Variants in SUMF2 observed in about 807,000 individuals in gnomAD.
The protein encoded by SUMF2 is inactive C-alpha-formylglycine-generating enzyme 2.
In SUMF2, 45 loss-of-function variants were observed where a neutral mutation model predicts 44.8. The observed-to-expected ratio is 1.00, with a 90% confidence interval of 0.79 to 1.29. The LOEUF (loss-of-function observed/expected upper bound fraction) is 1.29. Ranked by LOEUF, SUMF2 falls within the 50% of genes most tolerant of loss-of-function variation. The probability of loss-of-function intolerance (pLI) is 0.00; values close to 1 mark genes in which losing one functional copy is unlikely to be tolerated. For missense variants in SUMF2, 418 were observed against 389.9 expected (o/e 1.07, Z -0.61); for synonymous variants, 148 against 150.4 (o/e 0.98, Z 0.12).
At chr7:56,081,323 G>A (rs1427573865), downstream of SUMF2, 1 of 1,589,592 alleles carries the variant, frequency 6.3e-7, no homozygotes, top group East Asian at 2.3e-5. The surrounding 1 kb of genome is among the most constrained non-coding windows in gnomAD (Gnocchi z 4.6). Context: ...CGGAGAAGCT[G>A]GGCTGCAGCC....
At chr7:56,069,206 G>GGCATA (rs1235557630) in intron 2 of SUMF2, among the ~76,000 whole-genome samples, 2 of 152,022 alleles carry the variant, frequency 1.3e-5, no homozygotes, top group Non-Finnish European at 2.9e-5. Context: ...CATTACACTG[G>GGCATA]GCATAGCACT....
At chr7:56,071,453 C>A (rs1237336670) in intron 2 of SUMF2, among the ~76,000 whole-genome samples, 1 of 152,012 alleles carries the variant, frequency 6.6e-6, no homozygotes, top group Non-Finnish European at 1.5e-5. Flanking sequence ...TGTGCCACTG[C>A]ACTCCAGCCT....
chr7:56,074,277 C>G (rs372873464), intron 4 of SUMF2, 59 bp downstream of exon 4: 108 of 1,515,846 alleles, frequency 7.1e-5, no homozygotes, highest in Middle Eastern at 1.8e-4. Flanking sequence ...TTCTCCAGGC[C>G]CAGCCTCCTC....
intron 2 of SUMF2, among the ~76,000 whole-genome samples, chr7:56,070,743 A>G (rs1584579279): frequency 1.3e-5 from 2 of 152,276 alleles, no homozygotes; most frequent in Admixed American, 1.3e-4. Context: ...AAAACAGGAG[A>G]TAACTCACAT....
chr7:56,077,912 C>T (rs1795668460), intron 6 of SUMF2, among the ~76,000 whole-genome samples, 190 bp from the exon 7 acceptor site: 1 of 151,976 alleles, frequency 6.6e-6, no homozygotes, highest in African/African-American at 2.4e-5. Context: ...CCTAATCCAG[C>T]AGTGGGGGTC....
At chr7:56,081,853 G>A (rs1457734131), downstream of SUMF2, 13 of 1,610,364 alleles carry the variant, frequency 8.1e-6, no homozygotes, top group Admixed American at 1.7e-5. This position sits in a 1 kb window ranked among gnomAD's most constrained non-coding sequence, Gnocchi z 4.6. Flanking sequence ...GCCTGGCATC[G>A]CAGCCCTGAG....
chr7:56,068,397 T>C lies in SUMF2; in HGVS notation c.68-85T>C, dbSNP rs75933776. The C allele has an allele frequency of 6.3e-5, 82 of 1,295,478 alleles. No homozygotes were observed. The East Asian group carries it at 2.0e-3, about 32-fold the overall frequency. The allele number at this position is 1,295,478 out of a possible 1,614,324, so 80.2% of individuals were successfully genotyped here. A position where few individuals can be genotyped will look rare whatever the true frequency, so the allele number is the denominator to read the frequency against. ...TTTTTTGTTGTGTTTTGTTATACCA[T>C]CATGAGTATTGCATATGATCCAAAT... On this transcript the variant is annotated intron_variant, in intron 1 of 8. Transcript: ENST00000434526.
rs1236544660 is a variant in SUMF2, at chr7:56,079,899, G to A, written c.*287G>A. 2.4e-5 allele frequency: 36 copies of A among 1,495,478 alleles called. No homozygotes were observed. The highest frequency in any genetic ancestry group is 3.2e-5 in the Non-Finnish European group (36 of 1,115,876). The allele number at this position is 1,495,478 out of a possible 1,614,324, so 92.6% of individuals were successfully genotyped here. On this transcript the variant is annotated 3_prime_UTR_variant, in exon 9 of 9. Transcript: ENST00000434526. ...CAGGATTGCAAACACACAAACAATT[G>A]GAACAGAGCACTCTGAAAGGCCATT...
At chr7:56,067,803 G>A (rs1479995294) in intron 1 of SUMF2, among the ~76,000 whole-genome samples, 2 of 151,386 alleles carry the variant, frequency 1.3e-5, no homozygotes. Flanking sequence ...TGAGGTGGGA[G>A]GATTGCTTGA....
chr7:56,065,190 C>CAA (rs60513641), intron 1 of SUMF2, among the ~76,000 whole-genome samples: 47 of 56,234 alleles, frequency 8.4e-4, no homozygotes, highest in Middle Eastern at 0.019. Flanking sequence ...GACTCCGTCT[C>CAA]AAAAAAAAAA....
At chr7:56,080,816 G>C, downstream of SUMF2, 1 of 567,350 alleles carries the variant, frequency 1.8e-6, no homozygotes, top group South Asian at 2.1e-5. Context: ...CTCAGGCCAC[G>C]TGTGATCTCT....
At chr7:56,069,833 C>T (rs999759009) in intron 2 of SUMF2, among the ~76,000 whole-genome samples, 3 of 152,204 alleles carry the variant, frequency 2.0e-5, no homozygotes, top group East Asian at 1.9e-4. Context: ...ATCCTTCTGC[C>T]GTGGCCTCCC....
downstream of SUMF2, chr7:56,084,177 T>C (rs895180095): frequency 2.2e-5 from 33 of 1,534,178 alleles, no homozygotes; most frequent in African/African-American, 4.4e-4. Context: ...CTGAAGTTGG[T>C]GGACTTGGGA....
At chr7:56,087,795 G>A in the SUMF2 span, 3 of 1,597,346 alleles carry the variant, frequency 1.9e-6, no homozygotes, top group Non-Finnish European at 2.6e-6. Context: ...GCAGAGGACA[G>A]ATGGCCTCGG....
downstream of SUMF2, chr7:56,080,952 G>T (rs139622034): frequency 1.8e-3 from 2,459 of 1,377,054 alleles, 56 homozygotes; most frequent in East Asian, 0.055. Flanking sequence ...AGGGCCAAGT[G>T]CTCCTTCTGC....
In SUMF2 at chr7:56,064,345, C is replaced by T; in HGVS notation, c.34C>T (p.Leu12=). ...GCATGGGTTACCGCTGCTGCCCCTG[C>T]TGTCGCTCCTGGTCGGCGCGTGGCT... ...ARHGLPLLPL[L]SLLVGAWLKL... is the part of the protein sequence containing the mutation. Residue 12 remains leucine (L), a synonymous_variant, in exon 1 of 9, where the codon CTG becomes TTG. Transcript: ENST00000434526. 2 of 1,603,034 alleles carry T rather than the reference C, an allele frequency of 1.2e-6. No individual in the cohort carries two copies. Among genetic ancestry groups the T allele is most frequent in the Non-Finnish European group, 1.7e-6 (2 of 1,175,338 alleles).
Position 56,068,126 on chromosome 7 carries a change from C to T in SUMF2, c.68-356C>T, listed in dbSNP as rs377354410. Among the ~76,000 whole-genome samples the T allele has an allele frequency of 5.0e-4, 74 of 149,334 alleles. 1 individual carries two copies. Among genetic ancestry groups the T allele is most frequent in the African/African-American group, 1.3e-3 (51 of 40,742 alleles). On this transcript the variant is annotated intron_variant, in intron 1 of 8. Transcript: ENST00000434526. ...TCGGCTCACTGCAAGCTCCGCCTCC[C>T]GGGTTTACACCATTCTCCTGCCTCA...
chr7:56,087,004 C>G, the SUMF2 span: 1 of 1,613,428 alleles, frequency 6.2e-7, no homozygotes, highest in South Asian at 1.1e-5. Flanking sequence ...GTGTTGGTCT[C>G]ATAAGTGTCC....
chr7:56,084,014 C>T (rs965100006), downstream of SUMF2: 1 of 624,020 alleles, frequency 1.6e-6, no homozygotes, highest in African/African-American at 1.8e-5. Context: ...AAAATTTTTC[C>T]CACCATTTCA....
Sources: allele counts gnomAD v4.1 joint callset (sites outside exome capture counted in the v4.1 genomes callset), GRCh38; gene constraint gnomAD v4.1.1; non-coding constraint Gnocchi (gnomAD v3.1); transcripts MANE v1.5; gene names NCBI Gene and HGNC (gene_info 2026-07-23, HGNC 2026-07-21).